The following USP4 variants were observed in gnomAD, a reference collection of about 807,000 sequenced individuals.
The protein encoded by USP4 is ubiquitin carboxyl-terminal hydrolase 4.
A neutral mutation model predicts 118.2 loss-of-function variants in USP4; 72 were observed. The observed-to-expected ratio is 0.61, with a 90% CI of 0.50 to 0.74. The LOEUF is 0.74. Ranked by LOEUF, USP4 falls within the 30% of genes least tolerant of loss-of-function variation. The pLI, the probability that USP4 is intolerant of heterozygous loss-of-function variation, is 0.00. For missense variants in USP4, 1,037 were observed against 1,185.7 expected (o/e 0.87, Z 1.84); for synonymous variants, 415 against 440.4 (o/e 0.94, Z 0.72).
At chr3:49,285,522 T>C (rs542770716) in intron 16 of USP4, among the ~76,000 whole-genome samples, 27 of 152,266 alleles carry the variant, frequency 1.8e-4, no homozygotes, top group African/African-American at 6.3e-4. Flanking sequence ...GGTGCACACC[T>C]GTAGTCTCAG....
At chr3:49,333,561 T>A (rs1178819835) in intron 2 of USP4, among the ~76,000 whole-genome samples, 2 of 152,190 alleles carry the variant, frequency 1.3e-5, no homozygotes, top group Non-Finnish European at 2.9e-5. Flanking sequence ...TTGTTAGGGT[T>A]ACTAAGTGGC....
At chr3:49,321,760 G>A (rs188561848) in intron 6 of USP4, among the ~76,000 whole-genome samples, 5 of 152,102 alleles carry the variant, frequency 3.3e-5, no homozygotes, top group Non-Finnish European at 4.4e-5. Context: ...TTGGGAGGCC[G>A]AGGCAGGCGG....
At chr3:49,335,909 G>A (rs984165119) in intron 1 of USP4, among the ~76,000 whole-genome samples, 3 of 152,082 alleles carry the variant, frequency 2.0e-5, no homozygotes, top group African/African-American at 7.2e-5. Context: ...TGTCGCCCAG[G>A]CTGGAGTATA....
intron 8 of USP4, among the ~76,000 whole-genome samples, chr3:49,308,405 C>T (rs1161662924): frequency 2.0e-5 from 3 of 152,004 alleles, no homozygotes; most frequent in Admixed American, 6.6e-5. Flanking sequence ...TTGCAACCTC[C>T]GCCTCCCGGG....
chr3:49,298,280 C>T (rs1165365501), intron 12 of USP4, among the ~76,000 whole-genome samples: 2 of 152,222 alleles, frequency 1.3e-5, no homozygotes, highest in African/African-American at 4.8e-5. Flanking sequence ...ATGCCACCCT[C>T]AGTGCACAGA....
intron 1 of USP4, among the ~76,000 whole-genome samples, chr3:49,336,803 T>C (rs2047673176): frequency 6.6e-6 from 1 of 151,936 alleles, no homozygotes; most frequent in African/African-American, 2.4e-5. Flanking sequence ...ATTACAGGCG[T>C]GAGCCACCGC....
chr3:49,291,420 C>T (rs1232761672), intron 15 of USP4, among the ~76,000 whole-genome samples: 1 of 150,350 alleles, frequency 6.7e-6, no homozygotes, highest in Non-Finnish European at 1.5e-5. Context: ...ACTAAAAATA[C>T]AAAAATTAGC....
chr3:49,333,276 C>T (rs2047638518), intron 2 of USP4, among the ~76,000 whole-genome samples: 1 of 151,252 alleles, frequency 6.6e-6, no homozygotes, highest in Non-Finnish European at 1.5e-5. Flanking sequence ...CATGACAAAA[C>T]TCCATCTCTA....
Position 49,324,781 on chromosome 3 carries a change from C to A in USP4, c.634-18G>T. 6.2e-7 allele frequency: 1 copy of A among 1,614,082 alleles called. No homozygotes were observed. The highest frequency in any genetic ancestry group is 1.6e-4 in the Middle Eastern group (1 of 6,062). Reference sequence around the variant, plus strand: ...ACTAGCACCTGAGTGAAAGGGGAAACCAAATGAGGAGAGTTCAAACCACCG... The same window carrying A: ...ACTAGCACCTGAGTGAAAGGGGAAAACAAATGAGGAGAGTTCAAACCACCG... On this transcript the variant is annotated intron_variant, in intron 5 of 21. Transcript: ENST00000265560.
intron 6 of USP4, chr3:49,318,513 A>G: frequency 1.0e-6 from 1 of 985,500 alleles, no homozygotes; most frequent in African/African-American, 1.7e-5. Flanking sequence ...ACCCTTGAGA[A>G]ACTAATATTA....
At chr3:49,298,669 G>GC in intron 11 of USP4, 34 bp from the exon 12 acceptor site, 1 of 1,600,178 alleles carries the variant, frequency 6.2e-7, no homozygotes, top group East Asian at 2.2e-5. Flanking sequence ...TCACAGGGGT[G>GC]CCCCACAAAG....
chr3:49,312,267 T>G, intron 6 of USP4: 1 of 284,756 alleles, frequency 3.5e-6, no homozygotes. Context: ...GGTCAGGAAT[T>G]CAAGACCAGC....
chr3:49,293,148 T>C (rs1386232447), intron 14 of USP4, among the ~76,000 whole-genome samples: 2 of 149,696 alleles, frequency 1.3e-5, no homozygotes, highest in African/African-American at 2.5e-5. Context: ...GAGGCCGAGG[T>C]GGGCAATCAC....
At chr3:49,290,424 ATTAG>A (rs572129245) in intron 15 of USP4, among the ~76,000 whole-genome samples, 1 of 152,206 alleles carries the variant, frequency 6.6e-6, no homozygotes, top group Non-Finnish European at 1.5e-5. Flanking sequence ...AAATAAATTA[ATTAG>A]TTAAAGTCAG....
At chr3:49,330,711 TGGAGGCTGGAGGCC>T (rs1193263729) in intron 2 of USP4, among the ~76,000 whole-genome samples, 2 of 151,792 alleles carry the variant, frequency 1.3e-5, no homozygotes, top group Admixed American at 6.6e-5. Context: ...ATTGGGAGGC[TGGAGGCTGGAGGCC>T]GGAGGCCGGG....
At chr3:49,302,284 C>G (rs2047269663) in intron 10 of USP4, 100 bp downstream of exon 10, 1 of 1,390,004 alleles carries the variant, frequency 7.2e-7, no homozygotes, top group Admixed American at 2.2e-5. Flanking sequence ...GCAACCAGGG[C>G]CCTGGCAACA....
rs2046984159 is a variant in USP4 at position 49,278,422 on chromosome 3, T to C, written c.2763A>G (p.Gln921=). Residue 921 remains glutamine, a synonymous_variant, in exon 22 of 22, where the codon CAA becomes CAG. Coordinates refer to ENST00000265560, the MANE Select transcript of USP4 (RefSeq NM_003363.4). ...TCTTATAAAATTCATCATCTCGACG[T>C]TGGTAAAATAGCACATAAGCTGCTT... The part of the protein sequence containing the change: ...VTKAAYVLFY[Q]RRDDEFYKTP... 6.2e-7 allele frequency: 1 copy of C among 1,614,072 alleles called. No homozygotes were observed. Among genetic ancestry groups the C allele is most frequent in the Non-Finnish European group, 8.5e-7 (1 of 1,180,026 alleles).
chr3:49,292,391 T>C (rs894171336), intron 15 of USP4, 119 bp downstream of exon 15: 1 of 535,044 alleles, frequency 1.9e-6, no homozygotes, highest in South Asian at 4.0e-5. Context: ...TCTGCTGCTG[T>C]AGGCAGAGCC....
At chr3:49,305,686 C>T (rs2047306750) in intron 9 of USP4, 29 bp downstream of exon 9, 1 of 1,533,880 alleles carries the variant, frequency 6.5e-7, no homozygotes, top group African/African-American at 1.4e-5. Context: ...ACAGGGATAC[C>T]CAACCCATAT....
Sources: gnomAD v4.1 joint callset for allele counts (sites outside exome capture counted in the v4.1 genomes callset) on GRCh38, gnomAD v4.1.1 for gene constraint, MANE v1.5 for transcripts, NCBI Gene and HGNC (gene_info 2026-07-23, HGNC 2026-07-21) for gene names.